Variants in CYTH3 observed in about 807,000 individuals in gnomAD.
CYTH3 encodes the protein cytohesin 3.
CYTH3 carries 23 observed loss-of-function variants against 55.1 expected under a neutral mutation model. The observed-to-expected ratio is 0.42, with a 90% CI of 0.30 to 0.59. CYTH3 has a LOEUF of 0.59. CYTH3 is among the 20% of genes least tolerant of loss of function. The probability of loss-of-function intolerance (pLI) is 0.20; values close to 1 mark genes in which losing one functional copy is unlikely to be tolerated. For missense variants in CYTH3, 413 were observed against 524.8 expected, an observed-to-expected ratio of 0.79 and a Z score of 2.08; for synonymous variants, 249 against 194.9, an observed-to-expected ratio of 1.28 and a Z score of -2.31.
intron 1 of CYTH3, among the ~76,000 whole-genome samples, chr7:6,215,875 G>C (rs902482360): frequency 4.6e-5 from 7 of 152,138 alleles, no homozygotes; most frequent in African/African-American, 1.4e-4. Context: ...AAACCACAAT[G>C]GCCAGAGGAA....
intron 1 of CYTH3, among the ~76,000 whole-genome samples, chr7:6,233,766 G>C (rs1364206448): frequency 6.6e-6 from 1 of 152,116 alleles, no homozygotes; most frequent in Non-Finnish European, 1.5e-5. Context: ...GTCTTGGTCA[G>C]TTTGGGCTGC....
At chr7:6,200,547 T>G (rs1352107269) in intron 1 of CYTH3, among the ~76,000 whole-genome samples, 1 of 152,232 alleles carries the variant, frequency 6.6e-6, no homozygotes, top group East Asian at 1.9e-4. Context: ...CCTTTATTAC[T>G]AATCAATACT....
At chr7:6,199,386 T>C (rs1348117949) in intron 1 of CYTH3, among the ~76,000 whole-genome samples, 1 of 152,182 alleles carries the variant, frequency 6.6e-6, no homozygotes, top group Non-Finnish European at 1.5e-5. Flanking sequence ...ACAGTGGTTA[T>C]GTGCCTGTAG....
Position 6,225,872 on chromosome 7 carries a change from G to T in CYTH3, c.35-35341C>A, listed in dbSNP as rs1165212830. On this transcript the variant is annotated intron_variant, in intron 1 of 12. Transcript: ENST00000350796. ...TTTTTGTATTTTTAGTAGAGAAGGG[G>T]TTTCACCATGTTGGCCAGACTGGTC... Among the ~76,000 whole-genome samples, 5 of 151,892 alleles carry T rather than the reference G, an allele frequency of 3.3e-5. No individual in the cohort carries two copies. In the South Asian group the frequency reaches 1.0e-3, roughly 32 times the overall value.
chr7:6,236,755 G>T (rs569128226), intron 1 of CYTH3, among the ~76,000 whole-genome samples: 112 of 152,022 alleles, frequency 7.4e-4, no homozygotes, highest in African/African-American at 2.6e-3. Context: ...TAGAGACAAA[G>T]TTTCACCATG....
In CYTH3 at chr7:6,189,190, G is replaced by A. The variant is rs536451043; in HGVS notation, c.117+1259C>T. ...CTGTAACAATCACAGGCTCTCCCAC[G>A]CCGAGACGGTGGCTTTATTCACATG... On this transcript the variant is annotated intron_variant, in intron 2 of 12. Transcript: ENST00000350796. Among the ~76,000 whole-genome samples, 265 of 152,284 alleles carry A rather than the reference G, an allele frequency of 1.7e-3. 1 individual carries two copies. The highest frequency in any genetic ancestry group is 6.1e-3 in the African/African-American group (253 of 41,550).
At chr7:6,266,319 T>C (rs1780490807) in intron 1 of CYTH3, among the ~76,000 whole-genome samples, 1 of 152,120 alleles carries the variant, frequency 6.6e-6, no homozygotes, top group Non-Finnish European at 1.5e-5. Flanking sequence ...ACCAATTACT[T>C]AGCTTCCCTA....
intron 2 of CYTH3, among the ~76,000 whole-genome samples, chr7:6,189,505 G>A (rs1439120446): frequency 1.3e-5 from 2 of 151,800 alleles, no homozygotes; most frequent in African/African-American, 2.4e-5. Context: ...GATGGGGTTT[G>A]ACCATGTTGC....
At chr7:6,205,186 T>C (rs1337188533) in intron 1 of CYTH3, among the ~76,000 whole-genome samples, 1 of 151,594 alleles carries the variant, frequency 6.6e-6, no homozygotes, top group Non-Finnish European at 1.5e-5. Flanking sequence ...CAAAAAACAG[T>C]GACCAGGAAA....
chr7:6,262,737 A>G (rs937309731), intron 1 of CYTH3, among the ~76,000 whole-genome samples: 1 of 152,158 alleles, frequency 6.6e-6, no homozygotes, highest in Non-Finnish European at 1.5e-5. Context: ...CTCCAACTAT[A>G]ATCCTGATGA....
chr7:6,254,632 TAG>T (rs1373163069), intron 1 of CYTH3, among the ~76,000 whole-genome samples: 1 of 152,210 alleles, frequency 6.6e-6, no homozygotes, highest in East Asian at 1.9e-4. Context: ...GTATTTTTAG[TAG>T]AGACAGGCTT....
intron 1 of CYTH3, among the ~76,000 whole-genome samples, chr7:6,253,444 A>C (rs1780022479): frequency 6.6e-6 from 1 of 151,746 alleles, no homozygotes; most frequent in South Asian, 2.1e-4. Flanking sequence ...CCTGGCCTCA[A>C]GTGATCCGCC....
chr7:6,165,487 C>T lies in CYTH3; in HGVS notation c.972+58G>A, dbSNP rs368688727. On this transcript the variant is annotated intron_variant, in intron 11 of 12. Transcript: ENST00000350796. ...GGGCTTGGGGCAGGTTCCCTGCAGG[C>T]AGTGAGGATGGCTCCCAGGTGGCTG... The T allele has an allele frequency of 2.7e-5, 44 of 1,609,076 alleles. 1 individual carries two copies. In the South Asian group the frequency reaches 4.4e-4, roughly 16 times the overall value.
rs1218028410 is a variant in CYTH3 at position 6,163,324 on chromosome 7, C to T, written c.*1620G>A. 2 of 152,280 alleles carry T rather than the reference C, an allele frequency of 1.3e-5. No individual in the cohort carries two copies. The highest frequency in any genetic ancestry group is 4.8e-5 in the African/African-American group (2 of 41,448). 9.4% of individuals were successfully genotyped at this position (152,280 alleles called of 1,614,324 possible). A position where few individuals can be genotyped will look rare whatever the true frequency, so the allele number is the denominator to read the frequency against. On this transcript the variant is annotated 3_prime_UTR_variant, in exon 13 of 13. Coordinates refer to ENST00000350796, the MANE Select transcript of CYTH3 (RefSeq NM_004227.4). ...TTGTCTCTGGACTGGGCATTTTGCA[C>T]AGGAGTACAGATGCCCTCCAGAGGG... is the stretch of plus-strand genomic sequence containing the variant.
chr7:6,189,523 G>A lies in CYTH3; in HGVS notation c.117+926C>T, dbSNP rs141808539. On this transcript the variant is annotated intron_variant, in intron 2 of 12. Transcript: ENST00000350796. ...GGGGTTTGACCATGTTGCCCAGGCT[G>A]GTCTTGAACTCCTGGGCTCAAGAGA... Among the ~76,000 whole-genome samples, 221 of 152,002 alleles carry A rather than the reference G, an allele frequency of 1.5e-3. 2 individuals carry two copies. Among genetic ancestry groups the A allele is most frequent in the African/African-American group, 5.1e-3 (211 of 41,478 alleles).
At chr7:6,187,850 C>G in intron 2 of CYTH3, 129 bp from the exon 3 acceptor site, 1 of 753,872 alleles carries the variant, frequency 1.3e-6, no homozygotes, top group Non-Finnish European at 2.4e-6. Flanking sequence ...GATGGAAAAA[C>G]CAATACTATT....
chr7:6,174,827 C>G (rs534547069), intron 5 of CYTH3, among the ~76,000 whole-genome samples: 28 of 152,278 alleles, frequency 1.8e-4, no homozygotes, highest in African/African-American at 5.8e-4. Context: ...GATTACAGGC[C>G]TGAGCCGCCA....
Position 6,211,324 on chromosome 7 carries a change from TA to T in CYTH3, c.35-20794del, listed in dbSNP as rs151082149. On this transcript the variant is annotated intron_variant, in intron 1 of 12. Coordinates refer to ENST00000350796, the MANE Select transcript of CYTH3 (RefSeq NM_004227.4). ...GTTGTATTTCTTTCATAGCACTTTT[TA>T]CCCAGAGTGTTTTGGAAGCAGAACA... Among the ~76,000 whole-genome samples the T allele has an allele frequency of 1.5e-3, 225 of 152,368 alleles. 2 individuals are homozygous for T. Among genetic ancestry groups the T allele is most frequent in the African/African-American group, 5.2e-3 (218 of 41,588 alleles).
intron 1 of CYTH3, chr7:6,212,800 T>A (rs1784350229): frequency 6.6e-6 from 1 of 152,230 alleles, no homozygotes. Context: ...ATTTTGCTTA[T>A]CCATTCATCT....
Sources: allele counts gnomAD v4.1 joint callset (sites outside exome capture counted in the v4.1 genomes callset), GRCh38; gene constraint gnomAD v4.1.1; transcripts MANE v1.5; gene names NCBI Gene and HGNC (gene_info 2026-07-23, HGNC 2026-07-21).